Variants in TERF1 observed in about 807,000 individuals in gnomAD.
TERF1 encodes the protein telomeric repeat-binding factor 1.
A neutral mutation model predicts 55.1 loss-of-function variants in TERF1; 20 were observed. That is an observed-to-expected ratio of 0.36 (90% CI 0.26 to 0.53). The LOEUF is 0.53. Among genes scored for constraint, TERF1 ranks in the 20% least tolerant of loss-of-function variants. The pLI is 0.91. For missense variants in TERF1, 439 were observed against 535.7 expected (o/e 0.82, Z 1.78); for synonymous variants, 168 against 181.2 (o/e 0.93, Z 0.59).
At chr8:73,039,062 C>A in intron 8 of TERF1, 54 bp from the exon 9 acceptor site, 1 of 1,129,786 alleles carries the variant, frequency 8.9e-7, no homozygotes. Flanking sequence ...AATATAATTG[C>A]TCTTTTTTCT....
intron 2 of TERF1, among the ~76,000 whole-genome samples, chr8:73,014,447 A>G (rs532212723): frequency 6.6e-6 from 1 of 152,022 alleles, no homozygotes; most frequent in East Asian, 1.9e-4. Context: ...ACTGGCAACT[A>G]TTATATTTGA....
rs563550733 is a variant in TERF1, at chr8:73,041,602, G to A, written c.1143+2383G>A. Among the ~76,000 whole-genome samples, 4 of 152,282 alleles carry A rather than the reference G, an allele frequency of 2.6e-5. No individual in the cohort carries two copies. The South Asian group carries it at 8.3e-4, about 32-fold the overall frequency. On this transcript the variant is annotated intron_variant, in intron 9 of 9. Transcript: ENST00000276603. ...TTAGGTTCTGGTAAAACCTCAGTTG[G>A]TTAGGTTCTGGCAAAATTAGTTTCT...
chr8:73,031,631 AG>A, intron 7 of TERF1: 1 of 153,168 alleles, frequency 6.5e-6, no homozygotes, highest in South Asian at 2.1e-4. Flanking sequence ...AAGATAATCA[AG>A]TGATACCTGC....
At chr8:73,040,101 C>G (rs1297659066) in intron 9 of TERF1, among the ~76,000 whole-genome samples, 1 of 149,206 alleles carries the variant, frequency 6.7e-6, no homozygotes, top group African/African-American at 2.5e-5. Flanking sequence ...TTCTGTGACT[C>G]AAAGTTATGT....
At chr8:73,014,876 T>C (rs571377920) in intron 2 of TERF1, among the ~76,000 whole-genome samples, 71 of 152,230 alleles carry the variant, frequency 4.7e-4, no homozygotes, top group African/African-American at 1.6e-3. Context: ...TAGAACTAGA[T>C]AGAGGCAGAA....
intron 3 of TERF1, 114 bp downstream of exon 3, chr8:73,020,919 T>C (rs1042692680): frequency 1.3e-4 from 96 of 732,518 alleles, no homozygotes; most frequent in Non-Finnish European, 1.7e-5. Context: ...ATTGTTTCTC[T>C]TCAGAAATTT....
At chr8:73,036,041 A>G (rs1381083540) in intron 8 of TERF1, among the ~76,000 whole-genome samples, 1 of 152,214 alleles carries the variant, frequency 6.6e-6, no homozygotes, top group Non-Finnish European at 1.5e-5. Context: ...GCATTGATGT[A>G]GTTGTTCAGA....
chr8:73,015,064 G>A (rs1385399934), intron 2 of TERF1, among the ~76,000 whole-genome samples: 3 of 152,190 alleles, frequency 2.0e-5, no homozygotes, highest in Admixed American at 2.0e-4. Context: ...ACACATAGCA[G>A]TTGTTCAGCA....
intron 4 of TERF1, among the ~76,000 whole-genome samples, chr8:73,022,875 T>C (rs778974040): frequency 6.6e-6 from 1 of 152,144 alleles, no homozygotes; most frequent in African/African-American, 2.4e-5. Context: ...AAGGCTGCAG[T>C]GAGCTATAAC....
intron 9 of TERF1, 137 bp from the exon 10 acceptor site, chr8:73,045,824 C>A: frequency 3.2e-6 from 2 of 627,566 alleles, no homozygotes; most frequent in South Asian, 4.1e-5. Context: ...TTTTAAAAAT[C>A]TAAGAAATGT....
chr8:73,025,951 T>C (rs1006442940), intron 5 of TERF1, among the ~76,000 whole-genome samples: 2 of 150,940 alleles, frequency 1.3e-5, no homozygotes, highest in African/African-American at 2.4e-5. Flanking sequence ...TCCCAGCACT[T>C]TGGGAGGCCG....
At chr8:73,017,303 AT>A (rs1808553146) in intron 2 of TERF1, among the ~76,000 whole-genome samples, 1 of 152,150 alleles carries the variant, frequency 6.6e-6, no homozygotes, top group African/African-American at 2.4e-5. Flanking sequence ...TTGCATTTTC[AT>A]TTCACTACTT....
chr8:73,037,493 A>G (rs1307724553), intron 8 of TERF1, among the ~76,000 whole-genome samples: 7 of 107,894 alleles, frequency 6.5e-5, no homozygotes, highest in South Asian at 5.4e-4. Flanking sequence ...ATTTATATAT[A>G]ATAAATTTAT....
intron 9 of TERF1, among the ~76,000 whole-genome samples, chr8:73,045,606 G>A (rs1809999111): frequency 6.6e-6 from 1 of 152,116 alleles, no homozygotes; most frequent in African/African-American, 2.4e-5. Flanking sequence ...CATTCACAAA[G>A]CCTATTTGGA....
At chr8:73,037,851 A>AAT (rs1366216589) in intron 8 of TERF1, among the ~76,000 whole-genome samples, 1 of 103,046 alleles carries the variant, frequency 9.7e-6, no homozygotes, top group Non-Finnish European at 1.9e-5. Context: ...TATAATATAT[A>AAT]ATATATAAAT....
intron 2 of TERF1, 44 bp from the exon 3 acceptor site, chr8:73,020,640 T>C (rs778331901): frequency 7.7e-6 from 12 of 1,551,208 alleles, no homozygotes; most frequent in South Asian, 1.2e-5. Context: ...GACAAAGTTC[T>C]ACTTAGCTTT....
intron 2 of TERF1, among the ~76,000 whole-genome samples, chr8:73,019,908 C>T (rs56264711): frequency 0.67 from 102,202 of 152,052 alleles, 35,038 homozygotes; most frequent in Middle Eastern, 0.77. Flanking sequence ...TTTTTTCTTT[C>T]TTCTAGCCCT....
At chr8:73,040,574 C>T (rs923861726) in intron 9 of TERF1, among the ~76,000 whole-genome samples, 15 of 152,080 alleles carry the variant, frequency 9.9e-5, no homozygotes, top group African/African-American at 2.4e-4. Context: ...ATATGATGTA[C>T]ATGTATATAG....
chr8:73,039,604 A>G (rs1809747739), intron 9 of TERF1, among the ~76,000 whole-genome samples: 1 of 152,168 alleles, frequency 6.6e-6, no homozygotes, highest in African/African-American at 2.4e-5. Flanking sequence ...CCATTTGATC[A>G]CAAAATTTTA....
Sources: gnomAD v4.1 joint callset for allele counts (sites outside exome capture counted in the v4.1 genomes callset) on GRCh38, gnomAD v4.1.1 for gene constraint, MANE v1.5 for transcripts, NCBI Gene and HGNC (gene_info 2026-07-23, HGNC 2026-07-21) for gene names.